The following NUTM2E variants were observed in gnomAD, a reference collection of about 807,000 sequenced individuals.
NUTM2E encodes the protein NUT family member 2E, also known as family with sequence similarity 22, member E.
In NUTM2E, 3 loss-of-function variants were observed where a neutral mutation model predicts 26.1. That is an observed-to-expected ratio of 0.12 (90% CI 0.05 to 0.30). NUTM2E has a LOEUF of 0.30. Ranked by LOEUF, NUTM2E falls within the 10% of genes least tolerant of loss-of-function variation. The pLI is 1.00. For missense variants in NUTM2E, 62 were observed against 381.3 expected, an observed-to-expected ratio of 0.16 and a Z score of 6.97; for synonymous variants, 13 against 157.5, an observed-to-expected ratio of 0.08 and a Z score of 6.87.
intron 6 of NUTM2E, 72 bp downstream of exon 6, chr10:79,847,030 G>C (rs1842025673): frequency 1.3e-6 from 1 of 799,144 alleles, no homozygotes; most frequent in Non-Finnish European, 2.0e-6. Flanking sequence ...CGGTGGCCGT[G>C]GTGGCTTCTC....
intron 1 of NUTM2E, among the ~76,000 whole-genome samples, chr10:79,828,471 G>C (rs186386331): frequency 6.6e-6 from 1 of 151,878 alleles, no homozygotes; most frequent in African/African-American, 2.4e-5. Flanking sequence ...TTTTATATTG[G>C]TAGAATACCT....
In NUTM2E at chr10:79,838,797, G is replaced by A. The variant is rs1356205084; in HGVS notation, c.-2432G>A. 2.0e-5 allele frequency among the ~76,000 whole-genome samples: 3 copies of A among 151,872 alleles called. No individual in the cohort carries two copies. Among genetic ancestry groups the A allele is most frequent in the South Asian group, 2.1e-4 (1 of 4,824 alleles). ...ATTTTTAGGTAACACCAAGAAGGAC[G>A]CCATGAGAGCGAAGGCCGTTGGGTC... On this transcript the variant is annotated 5_prime_UTR_variant, in exon 3 of 10. Transcript: ENST00000429984.
At chr10:79,827,795 GTTTTTTTTTTTTT>G (rs1841895793) in intron 1 of NUTM2E, among the ~76,000 whole-genome samples, 2 of 127,766 alleles carry the variant, frequency 1.6e-5, no homozygotes, top group South Asian at 2.5e-4. Flanking sequence ...TTTTTTTTTT[GTTTTTTTTTTTTT>G]GTTTTTTTTT....
rs1841997958 is a variant in NUTM2E at position 79,841,813 on chromosome 10, AG to A, written c.75del (p.Arg25SerfsTer20). On this transcript the variant is annotated frameshift_variant, in exon 4 of 10. Transcript: ENST00000429984. LOFTEE classifies it high-confidence loss of function. ...AGGACAATTTAAAAGTTGCCTAAAG[AG>A]GCACACGCCATCTCTGCTGCTGCCT... is the stretch of plus-strand genomic sequence containing the variant. ...SEGQFKSCLK[R>X]HTPSLLLPSS... 1 of 344,716 alleles carries A rather than the reference AG, an allele frequency of 2.9e-6. No individual in the cohort carries two copies. Among genetic ancestry groups the A allele is most frequent in the African/African-American group, 4.4e-5 (1 of 22,886 alleles). The allele number at this position is 344,716 out of a possible 1,614,324, so 21.4% of individuals were successfully genotyped here.
chr10:79,834,737 G>A (rs1466941888), intron 1 of NUTM2E, among the ~76,000 whole-genome samples: 2 of 147,386 alleles, frequency 1.4e-5, no homozygotes, highest in African/African-American at 5.0e-5. Flanking sequence ...GTTGTAACCA[G>A]CCTAAATTAA....
At chr10:79,834,689 A>C (rs1469331274) in intron 1 of NUTM2E, among the ~76,000 whole-genome samples, 1 of 150,158 alleles carries the variant, frequency 6.7e-6, no homozygotes, top group Non-Finnish European at 1.5e-5. Flanking sequence ...AAATCAAAAT[A>C]AAATACAATA....
In NUTM2E at chr10:79,840,727, G is replaced by A. The variant is rs560869725; in HGVS notation, c.-1014G>A. Among the ~76,000 whole-genome samples, 4 of 150,522 alleles carry A rather than the reference G, an allele frequency of 2.7e-5. No homozygotes were observed. In the South Asian group the frequency reaches 8.5e-4, roughly 32 times the overall value. Reference sequence around the variant, plus strand: ...GCAAATGCTTCGTAAGTGCCGACAGGGTGTGTTTCAGTGAATGTTTGCAGT... The same window carrying A: ...GCAAATGCTTCGTAAGTGCCGACAGAGTGTGTTTCAGTGAATGTTTGCAGT... On this transcript the variant is annotated 5_prime_UTR_variant, in exon 4 of 10. Transcript: ENST00000429984.
rs551672380 is a variant in NUTM2E, at chr10:79,841,130, G to T, written c.-611G>T. ...ACAGTGAGCTGAGAGAGGCCAGCCA[G>T]GGTGTGTTTCAGTGAAGATGAGAAA... On this transcript the variant is annotated 5_prime_UTR_variant, in exon 4 of 10. In the 5' UTR this introduces an upstream ATG that the reference lacks. Transcript: ENST00000429984. 6.3e-3 allele frequency among the ~76,000 whole-genome samples: 753 copies of T among 119,896 alleles called. 27 individuals are homozygous for T. The highest frequency in any genetic ancestry group is 0.022 in the African/African-American group (720 of 33,158). 78.7% of individuals were successfully genotyped at this position (119,896 alleles called of 152,430 possible). A position where few individuals can be genotyped will look rare whatever the true frequency, so the allele number is the denominator to read the frequency against.
intron 1 of NUTM2E, among the ~76,000 whole-genome samples, chr10:79,833,007 G>C (rs1347993892): frequency 6.6e-6 from 1 of 151,618 alleles, no homozygotes; most frequent in African/African-American, 2.4e-5. Context: ...TCGTATTTTG[G>C]AGTTGTTATT....
chr10:79,827,461 G>A (rs1431726835), intron 1 of NUTM2E, 104 bp downstream of exon 1: 1 of 150,756 alleles, frequency 6.6e-6, no homozygotes, highest in Non-Finnish European at 1.5e-5. Flanking sequence ...TTTCTGACCT[G>A]CTCCCTTACC....
intron 8 of NUTM2E, 36 bp downstream of exon 8, chr10:79,848,931 C>G (rs1464167998): frequency 4.9e-6 from 3 of 615,878 alleles, no homozygotes; most frequent in Middle Eastern, 4.4e-4. Flanking sequence ...CTGCTGGATT[C>G]CAGGGGCTGG....
At position 79,850,452 on chromosome 10, in the gene NUTM2E, C is replaced by A. The variant is rs1459069754; in HGVS notation, c.2483C>A (p.Ser828Tyr). 1 of 682,234 alleles carries A rather than the reference C, an allele frequency of 1.5e-6. No individual in the cohort carries two copies. Among genetic ancestry groups the A allele is most frequent in the African/African-American group, 3.1e-5 (1 of 31,858 alleles). The allele number at this position is 682,234 out of a possible 1,614,324, so 42.3% of individuals were successfully genotyped here. ...AAGCAACCTCTCTTTGGAAGCCTGT[C>A]CCCTGCTGAAAAGACACCCCACCGA... ...AKKQPLFGSL[S>Y]PAEKTPHRGP... Residue 828 changes from serine to tyrosine, a missense_variant, in exon 10 of 10, where the codon TCC becomes TAC. Transcript: ENST00000429984.
rs934457953 is a variant in NUTM2E at position 79,827,193 on chromosome 10, C to G, written c.-2892C>G. ...CCGACTCTTCGAGGGGCGGCAGGGCCCCATCTGTGTCTTTCGCTCTCGAGC... is the reference window on the plus strand; with the variant it reads ...CCGACTCTTCGAGGGGCGGCAGGGCGCCATCTGTGTCTTTCGCTCTCGAGC... On this transcript the variant is annotated 5_prime_UTR_variant, in exon 1 of 10. Transcript: ENST00000429984. 2.0e-5 allele frequency: 3 copies of G among 152,612 alleles called. No homozygotes were observed. The highest frequency in any genetic ancestry group is 7.3e-5 in the African/African-American group (3 of 41,238). The allele number at this position is 152,612 out of a possible 1,614,324, so 9.5% of individuals were successfully genotyped here.
At chr10:79,830,705 TA>T (rs1204633876) in intron 1 of NUTM2E, among the ~76,000 whole-genome samples, 25 of 151,702 alleles carry the variant, frequency 1.6e-4, no homozygotes, top group African/African-American at 6.0e-4. Context: ...ATTAGCAAAA[TA>T]CAAAAAAAAG....
intron 1 of NUTM2E, among the ~76,000 whole-genome samples, chr10:79,829,843 T>C (rs1475224191): frequency 6.6e-6 from 1 of 151,560 alleles, no homozygotes; most frequent in African/African-American, 2.4e-5. Flanking sequence ...AGGGAGCTGA[T>C]GTAAAGGACA....
At chr10:79,828,219 A>G (rs900682663) in intron 1 of NUTM2E, among the ~76,000 whole-genome samples, 1 of 151,868 alleles carries the variant, frequency 6.6e-6, no homozygotes, top group Non-Finnish European at 1.5e-5. Context: ...TCATTCATGG[A>G]TTTATTCATT....
Position 79,831,611 on chromosome 10 carries a change from A to G in NUTM2E, c.-2728+4254A>G, listed in dbSNP as rs550374763. 3.9e-5 allele frequency among the ~76,000 whole-genome samples: 6 copies of G among 152,122 alleles called. No individual in the cohort carries two copies. In the South Asian group the frequency reaches 8.3e-4, roughly 21 times the overall value. On this transcript the variant is annotated intron_variant, in intron 1 of 9. Transcript: ENST00000429984. ...TTCTCGTAAAGGGGAAAAGAAGTAT[A>G]TAACAGCATGTACTGAATACTTTAT...
At chr10:79,830,399 CTTA>C (rs1294941041) in intron 1 of NUTM2E, among the ~76,000 whole-genome samples, 1 of 151,536 alleles carries the variant, frequency 6.6e-6, no homozygotes, top group Non-Finnish European at 1.5e-5. Flanking sequence ...TTCAATGTTA[CTTA>C]AAGAAACAGA....
intron 5 of NUTM2E, 128 bp downstream of exon 5, chr10:79,845,000 G>C (rs1444006684): frequency 2.5e-6 from 1 of 392,850 alleles, no homozygotes; most frequent in African/African-American, 2.1e-5. Flanking sequence ...CTGCACTATG[G>C]GAAGGTACAT....
Sources: gnomAD v4.1 joint callset for allele counts (sites outside exome capture counted in the v4.1 genomes callset) on GRCh38, gnomAD v4.1.1 for gene constraint, MANE v1.5 for transcripts, NCBI Gene and HGNC (gene_info 2026-07-23, HGNC 2026-07-21) for gene names.